The following XPR1 variants were observed in gnomAD, a reference collection of about 807,000 sequenced individuals.
XPR1 encodes the protein xenotropic and polytropic retrovirus receptor 1, also known as solute carrier family 53 member 1.
In XPR1, 28 loss-of-function variants were observed where a neutral mutation model predicts 87.5. That is an observed-to-expected ratio of 0.32 (90% confidence interval 0.24 to 0.44). The LOEUF is 0.44. Ranked by LOEUF, XPR1 falls within the 20% of genes least tolerant of loss-of-function variation. The pLI, the probability that XPR1 is intolerant of heterozygous loss-of-function variation, is 1.00. For synonymous variants in XPR1, 300 were observed against 306.1 expected (o/e 0.98, Z 0.21); for missense variants, 559 against 862.3 (o/e 0.65, Z 4.41).
intron 2 of XPR1, among the ~76,000 whole-genome samples, chr1:180,769,484 A>T (rs1571819878): frequency 8.4e-6 from 1 of 119,078 alleles, no homozygotes; most frequent in Non-Finnish European, 1.6e-5. Flanking sequence ...TCTCTCTCTC[A>T]GTTCATCTGT....
chr1:180,704,902 TATC>T (rs1270774333), intron 2 of XPR1, among the ~76,000 whole-genome samples: 1 of 147,440 alleles, frequency 6.8e-6, no homozygotes, highest in Non-Finnish European at 1.5e-5. Context: ...GCTTTGGAAG[TATC>T]ATTGCTACTG....
chr1:180,749,085 C>T (rs1053841796), intron 2 of XPR1, among the ~76,000 whole-genome samples: 1 of 152,108 alleles, frequency 6.6e-6, no homozygotes, highest in African/African-American at 2.4e-5. Flanking sequence ...CCTCTAGTCC[C>T]AGTTACTCAA....
At chr1:180,873,578 T>A (rs1159557912) in intron 12 of XPR1, among the ~76,000 whole-genome samples, 1 of 152,236 alleles carries the variant, frequency 6.6e-6, no homozygotes, top group Non-Finnish European at 1.5e-5. Context: ...AATTCAGTAA[T>A]ACTTCATACT....
At chr1:180,844,335 A>C (rs535689836) in intron 11 of XPR1, among the ~76,000 whole-genome samples, 1 of 152,370 alleles carries the variant, frequency 6.6e-6, no homozygotes, top group Admixed American at 6.5e-5. Context: ...TTTATATTAT[A>C]CATAATTTTA....
intron 10 of XPR1, 80 bp downstream of exon 10, chr1:180,835,125 A>T (rs1459638751): frequency 6.9e-7 from 1 of 1,457,594 alleles, no homozygotes; most frequent in Non-Finnish European, 9.2e-7. Flanking sequence ...TGAGAAAGTT[A>T]AGGTCATGAT....
chr1:180,721,024 C>G (rs887561194), intron 2 of XPR1, among the ~76,000 whole-genome samples: 6 of 152,094 alleles, frequency 3.9e-5, no homozygotes, highest in Non-Finnish European at 2.9e-5. Flanking sequence ...CACTTGAGAT[C>G]TGGAGTTCAA....
At chr1:180,666,710 T>C (rs1655973513) in intron 1 of XPR1, among the ~76,000 whole-genome samples, 1 of 152,166 alleles carries the variant, frequency 6.6e-6, no homozygotes, top group African/African-American at 2.4e-5. Context: ...AATTCATTGA[T>C]TAGTTTTTCT....
intron 2 of XPR1, among the ~76,000 whole-genome samples, chr1:180,711,727 T>C (rs1657805065): frequency 6.6e-6 from 1 of 152,260 alleles, no homozygotes; most frequent in Non-Finnish European, 1.5e-5. Context: ...TAGTCCAATT[T>C]ATCAGTTCTT....
chr1:180,880,087 G>A lies in XPR1; in HGVS notation c.1820G>A (p.Trp607Ter), dbSNP rs763490814. Residue 607 changes from tryptophan to a stop codon, truncating the protein, a stop_gained, in exon 14 of 15, where the codon TGG becomes TAG. Transcript: ENST00000367590. LOFTEE classifies it high-confidence loss of function. ...CCCATTTTGCTAAGGCGATTTGTGT[G>A]GAACTTCTTCCGCCTGGAGAATGAA... is the stretch of plus-strand genomic sequence containing the variant. Reference protein sequence around the residue: ...APLEVFRRFVWNFFRLENEHL... With the variant: ...APLEVFRRFV The A allele has an allele frequency of 6.2e-7, 1 of 1,614,124 alleles. No homozygotes were observed. Among genetic ancestry groups the A allele is most frequent in the Non-Finnish European group, 8.5e-7 (1 of 1,180,016 alleles).
chr1:180,693,352 G>A (rs1657054348), intron 2 of XPR1, among the ~76,000 whole-genome samples: 1 of 152,126 alleles, frequency 6.6e-6, no homozygotes, highest in Non-Finnish European at 1.5e-5. Context: ...GAGAGTAGTG[G>A]TTTTCCAGTA....
At chr1:180,841,886 A>G (rs1651528218) in intron 11 of XPR1, among the ~76,000 whole-genome samples, 1 of 152,214 alleles carries the variant, frequency 6.6e-6, no homozygotes, top group African/African-American at 2.4e-5. Flanking sequence ...AAGATTGAAA[A>G]GACAACTCAG....
At chr1:180,765,622 G>A (rs756079902) in intron 2 of XPR1, among the ~76,000 whole-genome samples, 82 of 152,232 alleles carry the variant, frequency 5.4e-4, no homozygotes, top group Middle Eastern at 6.8e-3. Flanking sequence ...TATAACATAA[G>A]TACATTTTCC....
In XPR1 at chr1:180,696,483, G is replaced by A. The variant is rs909117288; in HGVS notation, c.121+14072G>A. Among the ~76,000 whole-genome samples the A allele has an allele frequency of 6.6e-5, 10 of 151,486 alleles. 1 individual carries two copies. The highest frequency in any genetic ancestry group is 1.2e-4 in the Non-Finnish European group (8 of 67,964). On this transcript the variant is annotated intron_variant, in intron 2 of 14. Coordinates refer to ENST00000367590, the MANE Select transcript of XPR1 (RefSeq NM_004736.4). ...TTTCTTTCTCTTGCCTGATTGCTCT[G>A]GCTAGGAATTTCAGTACTATGTTGA...
At chr1:180,778,578 A>AC (rs1353392899) in intron 2 of XPR1, among the ~76,000 whole-genome samples, 1 of 151,980 alleles carries the variant, frequency 6.6e-6, no homozygotes, top group Non-Finnish European at 1.5e-5. Context: ...AGCATCCTTG[A>AC]CCCCTACCCA....
At chr1:180,665,327 G>T (rs1222940474) in intron 1 of XPR1, among the ~76,000 whole-genome samples, 1 of 152,152 alleles carries the variant, frequency 6.6e-6, no homozygotes, top group Non-Finnish European at 1.5e-5. Flanking sequence ...CATTCGTGGG[G>T]ATTATGGGAA....
rs1571823640 is a variant in XPR1 at position 180,773,195 on chromosome 1, G to C, written c.122-14558G>C. Reference sequence around the variant, plus strand: ...TGGCAGATGACTAGGGAGAAAATGTGACTATGAATGTTGGGATTTGGGAAA... The same window carrying C: ...TGGCAGATGACTAGGGAGAAAATGTCACTATGAATGTTGGGATTTGGGAAA... On this transcript the variant is annotated intron_variant, in intron 2 of 14. Transcript: ENST00000367590. Among the ~76,000 whole-genome samples the C allele has an allele frequency of 2.0e-5, 3 of 152,286 alleles. No individual in the cohort carries two copies. The South Asian group carries it at 6.2e-4, about 32-fold the overall frequency.
chr1:180,732,639 G>A (rs775989231), intron 2 of XPR1, among the ~76,000 whole-genome samples: 5 of 152,210 alleles, frequency 3.3e-5, no homozygotes, highest in Non-Finnish European at 7.3e-5. Context: ...AGATGGTCAC[G>A]TTGTGGGGCT....
chr1:180,746,147 A>G (rs1306385968), intron 2 of XPR1, among the ~76,000 whole-genome samples: 1 of 151,892 alleles, frequency 6.6e-6, no homozygotes, highest in Non-Finnish European at 1.5e-5. Flanking sequence ...TTTTGGTTTC[A>G]TGGATGCATT....
chr1:180,793,141 G>A (rs2102100429), intron 3 of XPR1, among the ~76,000 whole-genome samples: 1 of 152,098 alleles, frequency 6.6e-6, no homozygotes, highest in Admixed American at 6.5e-5. Flanking sequence ...GAAGGTAATT[G>A]CATTGGTGTT....
Sources: gnomAD v4.1 joint callset for allele counts (sites outside exome capture counted in the v4.1 genomes callset) on GRCh38, gnomAD v4.1.1 for gene constraint, MANE v1.5 for transcripts, NCBI Gene and HGNC (gene_info 2026-07-23, HGNC 2026-07-21) for gene names.